MAPRE2: variants seen among roughly 807,000 people sequenced by gnomAD.
MAPRE2 encodes the protein microtubule-associated protein RP/EB family member 2.
MAPRE2 carries 13 observed loss-of-function variants against 43.2 expected under a neutral mutation model. The observed-to-expected ratio is 0.30, with a 90% CI of 0.20 to 0.48. The LOEUF is 0.48. Ranked by LOEUF, MAPRE2 falls within the 20% of genes least tolerant of loss-of-function variation. MAPRE2 has a pLI of 0.99. For missense variants in MAPRE2, 161 were observed against 400.2 expected, an observed-to-expected ratio of 0.40 and a Z score of 5.10; for synonymous variants, 135 against 148.8, an observed-to-expected ratio of 0.91 and a Z score of 0.68.
chr18:34,992,413 A>C lies in MAPRE2; in HGVS notation c.-69-13079A>C, dbSNP rs78344608. On this transcript the variant is annotated intron_variant, in intron 1 of 7. Coordinates refer to the MAPRE2 transcript ENST00000413393. ...TTATATGAACAATAAGTTAATTTGA[A>C]CTGATTGTCAAGGGACCTAGTTCTT... Among the ~76,000 whole-genome samples, 1,189 of 152,290 alleles carry C rather than the reference A, an allele frequency of 7.8e-3. 90 individuals carry two copies. In the East Asian group the frequency reaches 0.19, roughly 24 times the overall value.
chr18:35,076,260 GC>G (rs1315272585), intron 2 of MAPRE2, among the ~76,000 whole-genome samples: 2 of 152,324 alleles, frequency 1.3e-5, no homozygotes, highest in Non-Finnish European at 2.9e-5. Context: ...CATAGTCATT[GC>G]CCTCAAATAG....
At chr18:35,063,350 GCC>G (rs1906650155) in intron 1 of MAPRE2, among the ~76,000 whole-genome samples, 1 of 151,866 alleles carries the variant, frequency 6.6e-6, no homozygotes, top group Non-Finnish European at 1.5e-5. Flanking sequence ...CTCGTGATCC[GCC>G]CGCCTTGTCC....
chr18:35,029,715 T>A (rs2097046887), intron 2 of MAPRE2, among the ~76,000 whole-genome samples: 3 of 152,224 alleles, frequency 2.0e-5, no homozygotes, highest in Admixed American at 2.0e-4. Flanking sequence ...GCCACCCAAC[T>A]GAGCCCAAGG....
At chr18:34,992,179 A>T (rs887438079) in intron 1 of MAPRE2, among the ~76,000 whole-genome samples, 10 of 152,198 alleles carry the variant, frequency 6.6e-5, no homozygotes, top group Non-Finnish European at 1.5e-4. Context: ...CTAGAGATTA[A>T]AAAAATTAAA....
At position 35,041,443 on chromosome 18, in the gene MAPRE2, A is replaced by G. The variant is rs774142187; in HGVS notation, c.-97A>G. ...GGCAGTGAGCGAGCAGGCGGCAGGC[A>G]CGGTCCGTGCGGAGCAGGCGAGCGA... is the stretch of plus-strand genomic sequence containing the variant. On this transcript the variant is annotated 5_prime_UTR_variant, in exon 1 of 7. Transcript: ENST00000300249. The G allele has an allele frequency of 1.6e-4, 253 of 1,596,592 alleles. No homozygotes were observed. Among genetic ancestry groups the G allele is most frequent in the Non-Finnish European group, 2.0e-4 (232 of 1,171,242 alleles).
At chr18:35,056,058 G>A (rs546489198) in intron 1 of MAPRE2, among the ~76,000 whole-genome samples, 1 of 151,060 alleles carries the variant, frequency 6.6e-6, no homozygotes, top group Non-Finnish European at 1.5e-5. Context: ...TGTATTTTCT[G>A]CATTAGTGAA....
At chr18:35,031,989 G>A (rs1478525152) in intron 2 of MAPRE2, among the ~76,000 whole-genome samples, 1 of 152,178 alleles carries the variant, frequency 6.6e-6, no homozygotes, top group Admixed American at 6.5e-5. Flanking sequence ...GTGAAAGGTA[G>A]TGAGGAAGAA....
chr18:35,130,570 A>C (rs565445720), intron 5 of MAPRE2, among the ~76,000 whole-genome samples: 53 of 152,268 alleles, frequency 3.5e-4, no homozygotes, highest in Non-Finnish European at 6.9e-4. Context: ...AATTATTAGA[A>C]GGAGAGAGGA....
chr18:34,980,017 CTTTTTCTTTTTTTCTTTTTTTTTT>C (rs1474323458), intron 1 of MAPRE2, among the ~76,000 whole-genome samples: 1 of 102,366 alleles, frequency 9.8e-6, no homozygotes, highest in Non-Finnish European at 2.1e-5. Flanking sequence ...TTTTCTTTTT[CTTTTTCTTTTTTTCTTTTTTTTTT>C]TTTTTTTTTT....
intron 1 of MAPRE2, among the ~76,000 whole-genome samples, chr18:34,993,276 T>A (rs1351209166): frequency 6.8e-6 from 1 of 146,084 alleles, no homozygotes; most frequent in Non-Finnish European, 1.5e-5. Context: ...TTTTTTTTTT[T>A]ACTTTTAATA....
At chr18:35,042,752 T>C (rs777835759) in intron 1 of MAPRE2, among the ~76,000 whole-genome samples, 1 of 152,184 alleles carries the variant, frequency 6.6e-6, no homozygotes, top group Non-Finnish European at 1.5e-5. Context: ...TCCTCTCAGC[T>C]GATGAGCAAC....
At chr18:35,017,498 A>T (rs273356) in intron 2 of MAPRE2, among the ~76,000 whole-genome samples, 85,372 of 149,182 alleles carry the variant, frequency 0.57, 25,000 homozygotes, top group East Asian at 0.72. Context: ...GTTTTGTAGT[A>T]CTCCTTGTAG....
intron 2 of MAPRE2, among the ~76,000 whole-genome samples, chr18:35,010,538 C>G (rs1482680971): frequency 6.6e-6 from 1 of 152,184 alleles, no homozygotes; most frequent in East Asian, 1.9e-4. Flanking sequence ...TTTTCTTTCC[C>G]CTTCCCTCCT....
chr18:35,086,943 T>C (rs1258465925), intron 2 of MAPRE2, among the ~76,000 whole-genome samples: 1 of 152,210 alleles, frequency 6.6e-6, no homozygotes, highest in African/African-American at 2.4e-5. Flanking sequence ...GAGTAATATT[T>C]CCTTTTATCT....
chr18:35,097,427 T>G lies in MAPRE2; in HGVS notation c.251-19T>G. Reference sequence around the variant, plus strand: ...GGTACAGTGAGACTCACTCCAGTACTGTTCTTGTTTCTTTCCAGGAGCGGC... The same window carrying G: ...GGTACAGTGAGACTCACTCCAGTACGGTTCTTGTTTCTTTCCAGGAGCGGC... On this transcript the variant is annotated intron_variant, in intron 2 of 6. Coordinates refer to ENST00000300249, the MANE Select transcript of MAPRE2 (RefSeq NM_014268.4). The G allele has an allele frequency of 6.2e-7, 1 of 1,612,306 alleles. No homozygotes were observed. Among genetic ancestry groups the G allele is most frequent in the Non-Finnish European group, 8.5e-7 (1 of 1,178,906 alleles).
At chr18:35,095,717 A>G (rs954877664) in intron 2 of MAPRE2, among the ~76,000 whole-genome samples, 3 of 152,170 alleles carry the variant, frequency 2.0e-5, no homozygotes, top group Non-Finnish European at 4.4e-5. Context: ...CCATATAAAA[A>G]TAATGTTAAA....
In MAPRE2 at chr18:35,124,381, A is replaced by G. The variant is rs138058390; in HGVS notation, c.611-2567A>G. On this transcript the variant is annotated intron_variant, in intron 4 of 6. Coordinates refer to ENST00000300249, the MANE Select transcript of MAPRE2 (RefSeq NM_014268.4). ...CCTGCCACGGGGTCCCTCCCACAAC[A>G]TGTGGGGATTATGGGAACTACAATT... is the stretch of plus-strand genomic sequence containing the variant. 9.4e-3 allele frequency among the ~76,000 whole-genome samples: 1,426 copies of G among 152,206 alleles called. 12 individuals are homozygous for G. The highest frequency in any genetic ancestry group is 0.031 in the Middle Eastern group (9 of 294).
At chr18:35,062,914 T>C (rs371213922) in intron 1 of MAPRE2, among the ~76,000 whole-genome samples, 4 of 152,364 alleles carry the variant, frequency 2.6e-5, no homozygotes, top group African/African-American at 9.6e-5. Context: ...AAGAATGCAC[T>C]GCATGTATTT....
At chr18:35,108,922 T>C (rs369799333) in intron 4 of MAPRE2, among the ~76,000 whole-genome samples, 9 of 152,202 alleles carry the variant, frequency 5.9e-5, no homozygotes, top group African/African-American at 2.2e-4. Flanking sequence ...ATTCTGTAGG[T>C]TGCCTGTTCA....
Sources: allele counts gnomAD v4.1 joint callset (sites outside exome capture counted in the v4.1 genomes callset), GRCh38; gene constraint gnomAD v4.1.1; transcripts MANE v1.5; gene names NCBI Gene and HGNC (gene_info 2026-07-23, HGNC 2026-07-21).